SHANK2: variants seen among roughly 807,000 people sequenced by gnomAD.
The protein encoded by SHANK2 is SH3 and multiple ankyrin repeat domains protein 2.
SHANK2 carries 43 observed loss-of-function variants against 133.7 expected under a neutral mutation model. That is an observed-to-expected ratio of 0.32 (90% CI 0.25 to 0.41). The LOEUF is 0.41. Among genes scored for constraint, SHANK2 ranks in the 10% least tolerant of loss-of-function variants. SHANK2 has a pLI of 1.00. For missense variants in SHANK2, 1,994 were observed against 2,235.8 expected (o/e 0.89, Z 2.18); for synonymous variants, 1,017 against 952.8 (o/e 1.07, Z -1.24).
rs563794364 is a variant in SHANK2 at position 71,213,075 on chromosome 11, A to G, written c.-13+11622T>C. On this transcript the variant is annotated intron_variant, in intron 2 of 25. Coordinates refer to ENST00000601538, the MANE Select transcript of SHANK2 (RefSeq NM_012309.5). ...CGAAAGACACTGTGCCCATTTCTAC[A>G]GCGTTGCAGGGTGCAGGACTGCTGC... Among the ~76,000 whole-genome samples the G allele has an allele frequency of 7.9e-5, 12 of 152,216 alleles. No individual in the cohort carries two copies. In the South Asian group the frequency reaches 2.5e-3, roughly 32 times the overall value.
chr11:70,568,990 C>T (rs971786188), intron 17 of SHANK2, among the ~76,000 whole-genome samples: 1 of 152,202 alleles, frequency 6.6e-6, no homozygotes, highest in Non-Finnish European at 1.5e-5. Flanking sequence ...TGCTCACGTT[C>T]TCTGAAGATG....
rs1013104792 is a variant in SHANK2, at chr11:71,099,577, G to A, written c.593-4889C>T. On this transcript the variant is annotated intron_variant, in intron 6 of 25. Transcript: ENST00000601538. Reference sequence around the variant, plus strand: ...GAGGCAGAAAATGTTTGTGAAAAGCGTATAAAGTACTTGTAGCCAAATTAT... The same window carrying A: ...GAGGCAGAAAATGTTTGTGAAAAGCATATAAAGTACTTGTAGCCAAATTAT... 7.2e-5 allele frequency among the ~76,000 whole-genome samples: 11 copies of A among 152,156 alleles called. No homozygotes were observed. The South Asian group carries it at 8.3e-4, about 11-fold the overall frequency.
intron 1 of SHANK2, among the ~76,000 whole-genome samples, chr11:71,241,374 G>T (rs1012571201): frequency 6.6e-6 from 1 of 151,986 alleles, no homozygotes; most frequent in Admixed American, 6.5e-5. Flanking sequence ...AGCTTCCAGC[G>T]AGCGGGAAGT....
chr11:70,953,730 G>A (rs7128109), intron 10 of SHANK2, among the ~76,000 whole-genome samples: 2,472 of 152,234 alleles, frequency 0.016, 53 homozygotes, highest in African/African-American at 0.056. Context: ...CAACTCAAAT[G>A]TCCACCTTCT....
In SHANK2 at chr11:70,533,410, G is replaced by A. The variant is rs183020534; in HGVS notation, c.2062-30479C>T. 1.4e-3 allele frequency among the ~76,000 whole-genome samples: 206 copies of A among 152,128 alleles called. 1 individual carries two copies. Among genetic ancestry groups the A allele is most frequent in the Non-Finnish European group, 2.3e-3 (156 of 67,986 alleles). Reference sequence around the variant, plus strand: ...TGGACTTCTTTTTAAAAAGACAATCGATTCAAGGTCTCAAATACAGAGACT... The same window carrying A: ...TGGACTTCTTTTTAAAAAGACAATCAATTCAAGGTCTCAAATACAGAGACT... On this transcript the variant is annotated intron_variant, in intron 17 of 25. Coordinates refer to ENST00000601538, the MANE Select transcript of SHANK2 (RefSeq NM_012309.5).
chr11:71,235,271 G>A (rs1164521854), intron 1 of SHANK2, among the ~76,000 whole-genome samples: 8 of 152,186 alleles, frequency 5.3e-5, no homozygotes, highest in African/African-American at 1.4e-4. Flanking sequence ...GCTGAGCTCC[G>A]GAAGGTACCG....
chr11:70,893,123 G>A (rs971817944), intron 11 of SHANK2, among the ~76,000 whole-genome samples: 1 of 152,242 alleles, frequency 6.6e-6, no homozygotes, highest in Non-Finnish European at 1.5e-5. Context: ...GGACGTGGAG[G>A]TTTGCATGGC....
chr11:70,856,005 G>A (rs1949164399), intron 11 of SHANK2, among the ~76,000 whole-genome samples: 1 of 152,070 alleles, frequency 6.6e-6, no homozygotes, highest in Admixed American at 6.6e-5. Context: ...ATGGATGGAT[G>A]GAAAGACAGA....
chr11:70,759,082 T>A (rs1946933143), intron 14 of SHANK2, among the ~76,000 whole-genome samples: 2 of 151,860 alleles, frequency 1.3e-5, no homozygotes, highest in Admixed American at 1.3e-4. Context: ...TGCTTGAACC[T>A]GGGAGGCAGA....
rs144004521 is a variant in SHANK2 at position 70,947,132 on chromosome 11, A to AACAC, written c.1108-50569_1108-50566dup. ...GGTGAAATTCTTGAGGCACCTCTCC[A>AACAC]ACACACACACACACACACACACACA... On this transcript the variant is annotated intron_variant, in intron 10 of 25. Coordinates refer to ENST00000601538, the MANE Select transcript of SHANK2 (RefSeq NM_012309.5). Among the ~76,000 whole-genome samples, 731 of 126,556 alleles carry AACAC rather than the reference A, an allele frequency of 5.8e-3. 6 individuals carry two copies. Among genetic ancestry groups the AACAC allele is most frequent in the African/African-American group, 0.018 (563 of 32,122 alleles). The allele number at this position is 126,556 out of a possible 152,430, so 83.0% of individuals were successfully genotyped here. A position where few individuals can be genotyped will look rare whatever the true frequency, so the allele number is the denominator to read the frequency against.
At chr11:70,861,989 CAA>C (rs879955628) in intron 11 of SHANK2, among the ~76,000 whole-genome samples, 10 of 136,784 alleles carry the variant, frequency 7.3e-5, no homozygotes, top group Admixed American at 2.2e-4. Flanking sequence ...GGGGCAGGGG[CAA>C]AAAAAAAAAA....
intron 7 of SHANK2, among the ~76,000 whole-genome samples, chr11:71,093,886 C>T (rs1175823403): frequency 6.6e-6 from 1 of 152,204 alleles, no homozygotes; most frequent in Admixed American, 6.5e-5. Context: ...CGTCCCATCC[C>T]TGCTGGTGTG....
At chr11:70,771,090 A>C (rs1565305380) in intron 14 of SHANK2, among the ~76,000 whole-genome samples, 1 of 151,764 alleles carries the variant, frequency 6.6e-6, no homozygotes, top group Non-Finnish European at 1.5e-5. Flanking sequence ...ACACCTGGCT[A>C]ATTTTTTTGT....
intron 11 of SHANK2, among the ~76,000 whole-genome samples, chr11:70,867,183 T>C (rs1555069232): frequency 1.3e-5 from 2 of 151,268 alleles, no homozygotes; most frequent in East Asian, 1.9e-4. Flanking sequence ...ACTCTGACTC[T>C]CTCAAGTTCT....
intron 17 of SHANK2, among the ~76,000 whole-genome samples, chr11:70,650,006 G>A (rs1193500508): frequency 1.3e-5 from 2 of 152,188 alleles, no homozygotes; most frequent in African/African-American, 2.4e-5. Flanking sequence ...GACCCACAGG[G>A]AATGTTCCCT....
intron 17 of SHANK2, among the ~76,000 whole-genome samples, chr11:70,527,296 T>G (rs1366282312): frequency 2.6e-5 from 4 of 152,184 alleles, no homozygotes; most frequent in African/African-American, 9.7e-5. Context: ...GGCCTGGCTG[T>G]GGACTTGTGC....
At chr11:70,849,948 C>T (rs1555064973) in intron 11 of SHANK2, among the ~76,000 whole-genome samples, 1 of 152,178 alleles carries the variant, frequency 6.6e-6, no homozygotes, top group Admixed American at 6.5e-5. Flanking sequence ...GTCTCCAGAA[C>T]TTTTTCATCT....
intron 14 of SHANK2, among the ~76,000 whole-genome samples, chr11:70,793,012 C>T (rs1555048385): frequency 6.6e-6 from 1 of 152,120 alleles, no homozygotes. Context: ...GCCCTGATGG[C>T]ACCACTGCAT....
chr11:71,138,172 T>A (rs59125981), intron 3 of SHANK2, among the ~76,000 whole-genome samples: 16 of 44,336 alleles, frequency 3.6e-4, no homozygotes, highest in Non-Finnish European at 4.8e-4. Context: ...GCGGGCGCAC[T>A]CACACAGCAA....
Sources: gnomAD v4.1 joint callset for allele counts (sites outside exome capture counted in the v4.1 genomes callset) on GRCh38, gnomAD v4.1.1 for gene constraint, MANE v1.5 for transcripts, NCBI Gene and HGNC (gene_info 2026-07-23, HGNC 2026-07-21) for gene names.